The following FBXL7 variants were observed in gnomAD, a reference collection of about 807,000 sequenced individuals.
FBXL7 encodes F-box/LRR-repeat protein 7.
FBXL7 carries 12 observed loss-of-function variants against 38.3 expected under a neutral mutation model. The ratio of observed to expected loss-of-function variants is 0.31; its 90% CI spans 0.20 to 0.51. The LOEUF is 0.51. Among genes scored for constraint, FBXL7 ranks in the 20% least tolerant of loss-of-function variants. FBXL7 has a pLI of 0.98. For missense variants in FBXL7, 567 were observed against 676.4 expected (o/e 0.84, Z 1.79); for synonymous variants, 297 against 300.9 (o/e 0.99, Z 0.13).
intron 2 of FBXL7, among the ~76,000 whole-genome samples, chr5:15,852,369 C>T (rs1256057457): frequency 2.0e-5 from 3 of 152,126 alleles, no homozygotes; most frequent in African/African-American, 7.2e-5. Flanking sequence ...CTGCCCCAGC[C>T]CCTCCCTCTG....
intron 2 of FBXL7, among the ~76,000 whole-genome samples, chr5:15,832,473 T>C (rs543897800): frequency 1.4e-4 from 21 of 152,284 alleles, no homozygotes; most frequent in African/African-American, 4.6e-4. Flanking sequence ...TGTGGAATAA[T>C]TACCAGAAAT....
intron 2 of FBXL7, among the ~76,000 whole-genome samples, chr5:15,661,495 T>C (rs1742068068): frequency 6.6e-6 from 1 of 152,206 alleles, no homozygotes. Flanking sequence ...AGCAAAGCAT[T>C]GTCTTCAAAT....
At chr5:15,899,778 C>T (rs1458556786) in intron 2 of FBXL7, among the ~76,000 whole-genome samples, 2 of 152,122 alleles carry the variant, frequency 1.3e-5, no homozygotes, top group Admixed American at 1.3e-4. Flanking sequence ...CCATAAAGAC[C>T]TTCCTGCAAA....
intron 2 of FBXL7, among the ~76,000 whole-genome samples, chr5:15,905,933 A>G (rs1741347573): frequency 6.6e-6 from 1 of 152,070 alleles, no homozygotes; most frequent in Non-Finnish European, 1.5e-5. Context: ...AGGAAGTGTA[A>G]CCAACTAGGA....
chr5:15,726,885 A>C (rs1198026843), intron 2 of FBXL7, among the ~76,000 whole-genome samples: 2 of 151,728 alleles, frequency 1.3e-5, no homozygotes, highest in Admixed American at 6.6e-5. Flanking sequence ...TACATGCCAT[A>C]TAGCTTTTTT....
At chr5:15,604,369 A>T (rs1041836188) in intron 1 of FBXL7, among the ~76,000 whole-genome samples, 1 of 152,080 alleles carries the variant, frequency 6.6e-6, no homozygotes, top group African/African-American at 2.4e-5. Flanking sequence ...ATTTTATTTT[A>T]TTTGAGACAG....
intron 2 of FBXL7, among the ~76,000 whole-genome samples, chr5:15,802,493 C>T (rs978935584): frequency 6.6e-6 from 1 of 151,994 alleles, no homozygotes; most frequent in African/African-American, 2.4e-5. Context: ...GCTAGCTTAG[C>T]CCCGCCTCAG....
chr5:15,628,656 G>C (rs1290287235), intron 2 of FBXL7, among the ~76,000 whole-genome samples: 1 of 152,118 alleles, frequency 6.6e-6, no homozygotes, highest in Admixed American at 6.6e-5. Flanking sequence ...GCATGCTGTT[G>C]TTACATGCTT....
At chr5:15,646,702 C>T (rs6878131) in intron 2 of FBXL7, among the ~76,000 whole-genome samples, 53,702 of 152,022 alleles carry the variant, frequency 0.35, 9,803 homozygotes, top group East Asian at 0.5. Context: ...TTAATGTTAA[C>T]GGTGTGTTAC....
intron 2 of FBXL7, among the ~76,000 whole-genome samples, chr5:15,727,187 A>C (rs1735430691): frequency 1.3e-5 from 2 of 152,174 alleles, no homozygotes; most frequent in South Asian, 4.1e-4. Flanking sequence ...CTAAAGAATA[A>C]GGTAATATTT....
intron 1 of FBXL7, among the ~76,000 whole-genome samples, chr5:15,506,807 C>T (rs998274334): frequency 1.3e-5 from 2 of 151,514 alleles, no homozygotes; most frequent in Admixed American, 6.6e-5. Flanking sequence ...TCCTACAGGC[C>T]CCACCTCCAA....
chr5:15,713,570 T>A (rs1010723080), intron 2 of FBXL7, among the ~76,000 whole-genome samples: 3 of 152,224 alleles, frequency 2.0e-5, no homozygotes, highest in African/African-American at 7.2e-5. Flanking sequence ...CCCTGTCTTA[T>A]AGGTTTATAT....
intron 2 of FBXL7, among the ~76,000 whole-genome samples, chr5:15,800,390 C>T (rs2126740422): frequency 6.6e-6 from 1 of 152,296 alleles, no homozygotes; most frequent in African/African-American, 2.4e-5. Flanking sequence ...CACGTTCTGT[C>T]TTCATAAATG....
At chr5:15,621,634 G>T (rs1740645005) in intron 2 of FBXL7, among the ~76,000 whole-genome samples, 1 of 152,194 alleles carries the variant, frequency 6.6e-6, no homozygotes, top group African/African-American at 2.4e-5. Flanking sequence ...TGAGGCTATG[G>T]CTCTATGGGC....
chr5:15,791,881 G>C (rs1737286677), intron 2 of FBXL7, among the ~76,000 whole-genome samples: 2 of 152,156 alleles, frequency 1.3e-5, no homozygotes, highest in Admixed American at 1.3e-4. Context: ...TAGAGATCTG[G>C]CTGCTGGGCT....
chr5:15,786,150 C>T (rs183393440), intron 2 of FBXL7, among the ~76,000 whole-genome samples: 2 of 152,158 alleles, frequency 1.3e-5, no homozygotes, highest in Admixed American at 1.3e-4. Context: ...TCACAAGTTC[C>T]ACACTCCAGG....
intron 1 of FBXL7, among the ~76,000 whole-genome samples, chr5:15,548,883 G>T (rs1380164448): frequency 6.6e-6 from 1 of 152,174 alleles, no homozygotes; most frequent in Non-Finnish European, 1.5e-5. Context: ...GGAACAACTG[G>T]ATATGCATTT....
chr5:15,926,717 G>A (rs190492817), intron 2 of FBXL7, among the ~76,000 whole-genome samples: 4 of 152,138 alleles, frequency 2.6e-5, no homozygotes, highest in Non-Finnish European at 5.9e-5. Context: ...ATGCAAAGGG[G>A]AGGTTGTTAA....
At chr5:15,618,260 GC>G (rs545312995) in intron 2 of FBXL7, among the ~76,000 whole-genome samples, 123 of 152,262 alleles carry the variant, frequency 8.1e-4, no homozygotes, top group Admixed American at 1.4e-3. Flanking sequence ...AGAGTTTTGA[GC>G]AACTGGGCTA....
Sources: gnomAD v4.1 joint callset for allele counts (sites outside exome capture counted in the v4.1 genomes callset) on GRCh38, gnomAD v4.1.1 for gene constraint, MANE v1.5 for transcripts, NCBI Gene and HGNC (gene_info 2026-07-23, HGNC 2026-07-21) for gene names.